The following RAB12 variants were observed in gnomAD, a reference collection of about 807,000 sequenced individuals.
The protein encoded by RAB12 is RAB12, member RAS oncogene family.
In RAB12, 11 loss-of-function variants were observed where a neutral mutation model predicts 28.4. That is an observed-to-expected ratio of 0.39 (90% CI 0.24 to 0.64). The LOEUF (loss-of-function observed/expected upper bound fraction) is 0.64. RAB12 is among the 30% of genes least tolerant of loss of function. The pLI, the probability that RAB12 is intolerant of heterozygous loss-of-function variation, is 0.50. For synonymous variants in RAB12, 138 were observed against 145.3 expected, an observed-to-expected ratio of 0.95 and a Z score of 0.36; for missense variants, 276 against 351.1, an observed-to-expected ratio of 0.79 and a Z score of 1.71.
intron 1 of RAB12, among the ~76,000 whole-genome samples, chr18:8,618,939 T>G (rs1413044273): frequency 3.3e-5 from 5 of 152,248 alleles, no homozygotes; most frequent in Admixed American, 3.3e-4. Flanking sequence ...TGCCTCTCTC[T>G]GTAACCTTAA....
chr18:8,628,871 A>T (rs9965007), intron 2 of RAB12, among the ~76,000 whole-genome samples: 52,023 of 152,108 alleles, frequency 0.34, 11,524 homozygotes, highest in African/African-American at 0.63. Flanking sequence ...ATTGAATGTG[A>T]ATGGAAGTGC....
At chr18:8,634,269 A>ATC (rs1379933126) in intron 3 of RAB12, among the ~76,000 whole-genome samples, 16 of 83,732 alleles carry the variant, frequency 1.9e-4, no homozygotes, top group South Asian at 6.8e-4. Flanking sequence ...GTGGGACTCC[A>ATC]TCTCTCTCTC....
chr18:8,636,438 G>A (rs1439966313), intron 5 of RAB12, 81 bp downstream of exon 5: 2 of 942,732 alleles, frequency 2.1e-6, no homozygotes, highest in Non-Finnish European at 3.1e-6. Context: ...TGAGAATTTT[G>A]TATTTAGAAA....
chr18:8,630,998 C>T (rs2096015652), intron 2 of RAB12, among the ~76,000 whole-genome samples: 1 of 152,264 alleles, frequency 6.6e-6, no homozygotes, highest in Non-Finnish European at 1.5e-5. Flanking sequence ...AAGCAATTCT[C>T]CTGCCTCAGC....
rs1415170564 is a variant in RAB12, at chr18:8,609,859, G to A, written c.420G>A (p.Gln140=). 1.9e-6 allele frequency: 3 copies of A among 1,595,436 alleles called. No individual in the cohort carries two copies. Among genetic ancestry groups the A allele is most frequent in the Non-Finnish European group, 2.6e-6 (3 of 1,172,408 alleles). Reference sequence around the variant, plus strand: ...CCAGGCCGGCCGACTTCAAGTTGCAGGTCATCATTATCGGCTCCCGCGGCG... The same window carrying A: ...CCAGGCCGGCCGACTTCAAGTTGCAAGTCATCATTATCGGCTCCCGCGGCG... ...QPPRPADFKL[Q]VIIIGSRGVG... is the part of the protein sequence containing the mutation. Residue 140 remains glutamine (Q), a synonymous_variant, in exon 1 of 6, where the codon CAG becomes CAA. Transcript: ENST00000649141.
At chr18:8,635,664 A>G (rs759072605) in intron 4 of RAB12, 42 bp downstream of exon 4, 5 of 1,276,660 alleles carry the variant, frequency 3.9e-6, no homozygotes, top group Non-Finnish European at 5.5e-6. Context: ...CACTGTGCTT[A>G]GCGCTTGAGG....
intron 1 of RAB12, among the ~76,000 whole-genome samples, chr18:8,612,155 G>A (rs935769786): frequency 7.2e-5 from 11 of 152,246 alleles, no homozygotes; most frequent in African/African-American, 2.7e-4. Context: ...CGGAGCTTCT[G>A]GGAGCTGCGT....
intron 1 of RAB12, among the ~76,000 whole-genome samples, chr18:8,618,181 G>T (rs543558567): frequency 6.6e-6 from 1 of 152,080 alleles, no homozygotes; most frequent in Non-Finnish European, 1.5e-5. Context: ...CAAGTGCAAG[G>T]CTGTCTCCTT....
intron 1 of RAB12, among the ~76,000 whole-genome samples, chr18:8,624,565 T>A (rs1271552778): frequency 6.6e-6 from 1 of 152,238 alleles, no homozygotes; most frequent in Admixed American, 6.5e-5. Flanking sequence ...GTGTTCCATA[T>A]AAGAATTTTC....
intron 4 of RAB12, among the ~76,000 whole-genome samples, chr18:8,636,015 G>A (rs1240491997): frequency 6.6e-6 from 1 of 152,148 alleles, no homozygotes; most frequent in Non-Finnish European, 1.5e-5. Context: ...AGAAACTTAG[G>A]CAACTGATTT....
intron 2 of RAB12, among the ~76,000 whole-genome samples, chr18:8,630,372 T>C (rs1829867709): frequency 1.3e-5 from 2 of 152,220 alleles, no homozygotes; most frequent in South Asian, 2.1e-4. Flanking sequence ...TAGAAAGCAA[T>C]GTCTGGGTTA....
chr18:8,632,084 C>G (rs1362066003), intron 2 of RAB12, among the ~76,000 whole-genome samples: 1 of 151,976 alleles, frequency 6.6e-6, no homozygotes, highest in African/African-American at 2.4e-5. Flanking sequence ...GAGTTTGAGA[C>G]CAGCCTGGCC....
chr18:8,632,243 T>C (rs1209203334), intron 2 of RAB12, among the ~76,000 whole-genome samples: 5 of 150,652 alleles, frequency 3.3e-5, no homozygotes, highest in Non-Finnish European at 7.4e-5. Flanking sequence ...ATGTCACTGA[T>C]TGCATTCCAG....
At chr18:8,612,704 T>C (rs945201890) in intron 1 of RAB12, among the ~76,000 whole-genome samples, 1 of 152,238 alleles carries the variant, frequency 6.6e-6, no homozygotes, top group African/African-American at 2.4e-5. Flanking sequence ...AGAGTCTTGC[T>C]CTGTCACCCA....
chr18:8,619,822 C>T (rs947348950), intron 1 of RAB12, among the ~76,000 whole-genome samples: 9 of 152,078 alleles, frequency 5.9e-5, no homozygotes, highest in South Asian at 2.1e-4. Context: ...GACAGATGTC[C>T]ACTGTCATTA....
chr18:8,638,279 C>CA lies in RAB12; in HGVS notation c.*20dup. 6.4e-7 allele frequency: 1 copy of CA among 1,551,632 alleles called. No individual in the cohort carries two copies. The highest frequency in any genetic ancestry group is 8.9e-7 in the Non-Finnish European group (1 of 1,124,218). ...TGCTGTTGATTTCCTACTTTGGAGA[C>CA]AAAGTGGAAATGATTCCTGGAAAGG... On this transcript the variant is annotated 3_prime_UTR_variant, in exon 6 of 6. Transcript: ENST00000649141.
chr18:8,618,719 A>G (rs780744009), intron 1 of RAB12, among the ~76,000 whole-genome samples: 1 of 152,144 alleles, frequency 6.6e-6, no homozygotes, highest in South Asian at 2.1e-4. Context: ...TCACCGTGTT[A>G]GCCAGAATGG....
At chr18:8,628,027 A>G (rs1470770737) in intron 2 of RAB12, among the ~76,000 whole-genome samples, 1 of 152,214 alleles carries the variant, frequency 6.6e-6, no homozygotes, top group Non-Finnish European at 1.5e-5. Context: ...AACCAGATAG[A>G]AAAATCAGAA....
chr18:8,627,458 C>T (rs9949488), intron 2 of RAB12, among the ~76,000 whole-genome samples: 18,320 of 152,176 alleles, frequency 0.12, 1,317 homozygotes, highest in Admixed American at 0.17. Flanking sequence ...TACATTTTTA[C>T]GTCACGTTTT....
Sources: allele counts gnomAD v4.1 joint callset (sites outside exome capture counted in the v4.1 genomes callset), GRCh38; gene constraint gnomAD v4.1.1; transcripts MANE v1.5; gene names NCBI Gene and HGNC (gene_info 2026-07-23, HGNC 2026-07-21).